The following ARMH1 variants were observed in gnomAD, a reference collection of about 807,000 sequenced individuals.
The protein encoded by ARMH1 is armadillo-like helical domain containing protein 1.
In ARMH1, 34 loss-of-function variants were observed where a neutral mutation model predicts 50.2. The ratio of observed to expected loss-of-function variants is 0.68; its 90% CI spans 0.51 to 0.90. The LOEUF (loss-of-function observed/expected upper bound fraction) is 0.90, where lower values mean the gene tolerates loss of function less well. ARMH1 is among the 40% of genes least tolerant of loss of function. The pLI is 0.00. For synonymous variants in ARMH1, 221 were observed against 224.2 expected (o/e 0.99, Z 0.13); for missense variants, 538 against 553.9 (o/e 0.97, Z 0.29).
chr1:44,715,179 A>C (rs1646802703), intron 6 of ARMH1, among the ~76,000 whole-genome samples: 1 of 152,200 alleles, frequency 6.6e-6, no homozygotes, highest in South Asian at 2.1e-4. Flanking sequence ...CTGGACCTGC[A>C]GAGAAAGACC....
chr1:44,690,995 C>T (rs1307739110), intron 2 of ARMH1, among the ~76,000 whole-genome samples: 2 of 152,074 alleles, frequency 1.3e-5, no homozygotes, highest in Non-Finnish European at 2.9e-5. Context: ...CGCGGTGACT[C>T]ACGCCTGTAA....
chr1:44,710,612 A>G (rs1202152700), intron 6 of ARMH1, among the ~76,000 whole-genome samples: 1 of 148,020 alleles, frequency 6.8e-6, no homozygotes. Flanking sequence ...CCGTCTCAAA[A>G]AAAAAAAAAA....
intron 4 of ARMH1, among the ~76,000 whole-genome samples, chr1:44,699,442 A>G (rs1645957239): frequency 6.6e-6 from 1 of 152,080 alleles, no homozygotes; most frequent in African/African-American, 2.4e-5. Flanking sequence ...AAAGTAAATA[A>G]TATAGTTTTT....
chr1:44,678,369 G>C (rs1382859317), intron 1 of ARMH1, among the ~76,000 whole-genome samples: 1 of 151,962 alleles, frequency 6.6e-6, no homozygotes, highest in East Asian at 1.9e-4. Flanking sequence ...GAGTTCTTGT[G>C]GGGAGAGGAT....
intron 6 of ARMH1, chr1:44,721,734 C>G (rs535048109): frequency 6.6e-6 from 1 of 151,932 alleles, no homozygotes; most frequent in Non-Finnish European, 1.5e-5. Context: ...CCCCAACCTC[C>G]CAAAGCATGA....
intron 1 of ARMH1, among the ~76,000 whole-genome samples, chr1:44,685,610 C>T (rs960495872): frequency 4.0e-5 from 6 of 151,126 alleles, no homozygotes; most frequent in Non-Finnish European, 7.4e-5. Flanking sequence ...CATACCTGGC[C>T]AGATAGCTTA....
At chr1:44,714,269 CA>C (rs1439401667) in intron 6 of ARMH1, among the ~76,000 whole-genome samples, 1 of 117,568 alleles carries the variant, frequency 8.5e-6, no homozygotes, top group African/African-American at 3.1e-5. Context: ...GACTCCGTCT[CA>C]AAAAAAAGAA....
At chr1:44,714,901 G>C (rs530716088) in intron 6 of ARMH1, among the ~76,000 whole-genome samples, 5 of 151,568 alleles carry the variant, frequency 3.3e-5, no homozygotes, top group Admixed American at 2.0e-4. Context: ...TTTTTTGTTG[G>C]GGGGGAAACA....
At chr1:44,676,334 G>A (rs57577137) in intron 1 of ARMH1, among the ~76,000 whole-genome samples, 22 of 152,212 alleles carry the variant, frequency 1.4e-4, no homozygotes, top group Admixed American at 6.5e-4. Flanking sequence ...ACTGGAGTTC[G>A]CCAGATAAGT....
chr1:44,709,463 G>C (rs188228309), intron 6 of ARMH1, among the ~76,000 whole-genome samples: 19 of 152,266 alleles, frequency 1.2e-4, no homozygotes, highest in African/African-American at 3.6e-4. Flanking sequence ...ACGAGGTCAG[G>C]AGATCGAGAC....
chr1:44,713,097 C>CTTTTTT (rs538780455), intron 6 of ARMH1, among the ~76,000 whole-genome samples: 1 of 118,858 alleles, frequency 8.4e-6, no homozygotes, highest in African/African-American at 3.2e-5. Context: ...TGCGCCCGGC[C>CTTTTTT]TTTTTTTTTT....
At chr1:44,693,270 C>T (rs768131116) in intron 2 of ARMH1, among the ~76,000 whole-genome samples, 3 of 152,198 alleles carry the variant, frequency 2.0e-5, no homozygotes, top group Non-Finnish European at 4.4e-5. Context: ...TGACACTAGC[C>T]TCACCAAGTC....
Position 44,704,642 on chromosome 1 carries a change from G to A in ARMH1, c.724+469G>A, listed in dbSNP as rs527911411. Among the ~76,000 whole-genome samples, 5 of 151,628 alleles carry A rather than the reference G, an allele frequency of 3.3e-5. No individual in the cohort carries two copies. In the East Asian group the frequency reaches 9.7e-4, roughly 29 times the overall value. The stretch of plus-strand genomic sequence containing the variant: ...TTCTCCCTCCTCAACCTCCCAAGTA[G>A]CTAGGACCACAAGTGTGCACTACTA... On this transcript the variant is annotated intron_variant, in intron 6 of 11. Transcript: ENST00000535358.
Position 44,724,478 on chromosome 1 carries a change from G to A in ARMH1, c.921-61G>A. ...CCCGGGAGCGCTCCGTGCGCCGGGT[G>A]GGCGGGGGTGTGCGCCGGGTGAGCC... is the stretch of plus-strand genomic sequence containing the variant. On this transcript the variant is annotated intron_variant, in intron 8 of 11. Transcript: ENST00000535358. This position sits in a 1 kb window ranked among gnomAD's most constrained non-coding sequence, Gnocchi z 6.4. 4 of 1,514,624 alleles carry A rather than the reference G, an allele frequency of 2.6e-6. No homozygotes were observed. The highest frequency in any genetic ancestry group is 2.6e-6 in the Non-Finnish European group (3 of 1,134,368). The allele number at this position is 1,514,624 out of a possible 1,614,324, so 93.8% of individuals were successfully genotyped here. A position where few individuals can be genotyped will look rare whatever the true frequency, so the allele number is the denominator to read the frequency against.
chr1:44,698,966 G>A (rs1645927642), intron 4 of ARMH1, among the ~76,000 whole-genome samples: 1 of 151,628 alleles, frequency 6.6e-6, no homozygotes, highest in Non-Finnish European at 1.5e-5. Context: ...GGCCAACATG[G>A]CAAAACCCCC....
At position 44,701,108 on chromosome 1, in the gene ARMH1, A is replaced by C. The variant is rs530966313; in HGVS notation, c.628A>C (p.Arg210=). Residue 210 remains arginine (R), a synonymous_variant, in exon 5 of 12, where the codon AGG becomes CGG. Transcript: ENST00000535358. ...CCAGCAGCTGTCCCTGCAGACTCTC[A>C]GGACTGCCCAGGTGAGCCAAGGCTG... is the stretch of plus-strand genomic sequence containing the variant. ...KAQQLSLQTL[R]TAQPIIGTTH... The C allele has an allele frequency of 6.5e-7, 1 of 1,549,462 alleles. No individual in the cohort carries two copies. The highest frequency in any genetic ancestry group is 8.7e-7 in the Non-Finnish European group (1 of 1,145,906).
intron 6 of ARMH1, among the ~76,000 whole-genome samples, chr1:44,714,112 C>CA (rs1403351555): frequency 2.0e-5 from 3 of 151,072 alleles, no homozygotes; most frequent in South Asian, 2.1e-4. Flanking sequence ...ACTAAAAATA[C>CA]AAAAAAAATT....
rs180773659 is a variant in ARMH1, at chr1:44,702,477, G to C, written c.639+1358G>C. ...TCCTGTAATCCCAGCACTTTGGGAG[G>C]CCGAGGTGGGTGGATCATGAGGTCA... On this transcript the variant is annotated intron_variant, in intron 5 of 11. Coordinates refer to ENST00000535358, the MANE Select transcript of ARMH1 (RefSeq NM_001145636.2). Among the ~76,000 whole-genome samples the C allele has an allele frequency of 8.0e-3, 1,222 of 152,212 alleles. 9 individuals carry two copies. The highest frequency in any genetic ancestry group is 0.013 in the Non-Finnish European group (888 of 68,006).
chr1:44,679,613 A>C (rs570613281), intron 1 of ARMH1, among the ~76,000 whole-genome samples: 38 of 152,340 alleles, frequency 2.5e-4, no homozygotes, highest in African/African-American at 9.1e-4. Context: ...CCCTGTCCTT[A>C]GTGTCCAAAG....
Sources: allele counts gnomAD v4.1 joint callset (sites outside exome capture counted in the v4.1 genomes callset), GRCh38; gene constraint gnomAD v4.1.1; non-coding constraint Gnocchi (gnomAD v3.1); transcripts MANE v1.5; gene names NCBI Gene and HGNC (gene_info 2026-07-23, HGNC 2026-07-21).